The following THSD7B variants were observed in gnomAD, a reference collection of about 807,000 sequenced individuals.
THSD7B encodes the protein thrombospondin type-1 domain-containing protein 7B.
THSD7B carries 138 observed loss-of-function variants against 213.6 expected under a neutral mutation model. That is an observed-to-expected ratio of 0.65 (90% confidence interval 0.56 to 0.74). The LOEUF (loss-of-function observed/expected upper bound fraction) is 0.74. THSD7B is among the 30% of genes least tolerant of loss of function. THSD7B has a pLI of 0.00. For missense variants in THSD7B, 1,931 were observed against 1,991.5 expected, an observed-to-expected ratio of 0.97 and a Z score of 0.58; for synonymous variants, 742 against 687.0, an observed-to-expected ratio of 1.08 and a Z score of -1.25.
intron 1 of THSD7B, among the ~76,000 whole-genome samples, chr2:136,783,366 C>T (rs1681779183): frequency 6.6e-6 from 1 of 152,084 alleles, no homozygotes; most frequent in Non-Finnish European, 1.5e-5. Flanking sequence ...AGCTGGGAAA[C>T]AGAGTACATG....
chr2:137,184,780 A>G (rs1680520056), intron 7 of THSD7B, among the ~76,000 whole-genome samples: 1 of 152,170 alleles, frequency 6.6e-6, no homozygotes, highest in African/African-American at 2.4e-5. Context: ...AGGCAAAAAT[A>G]ATAGAAAGCC....
chr2:137,024,008 G>A (rs1195093205), intron 2 of THSD7B, among the ~76,000 whole-genome samples: 1 of 151,974 alleles, frequency 6.6e-6, no homozygotes, highest in Non-Finnish European at 1.5e-5. Flanking sequence ...CCAAGAACTG[G>A]GTTGGAAGAT....
chr2:137,393,894 C>A (rs1329539293), intron 12 of THSD7B, among the ~76,000 whole-genome samples: 2 of 140,822 alleles, frequency 1.4e-5, no homozygotes, highest in African/African-American at 5.2e-5. Flanking sequence ...TTTTGATTTG[C>A]ATTTCTCTGA....
At chr2:137,097,708 A>G (rs1688064846) in intron 4 of THSD7B, among the ~76,000 whole-genome samples, 1 of 151,906 alleles carries the variant, frequency 6.6e-6, no homozygotes, top group South Asian at 2.1e-4. Flanking sequence ...AGAGGCTGAC[A>G]GACTTCACTG....
At chr2:137,301,371 C>A (rs1386269958) in intron 12 of THSD7B, among the ~76,000 whole-genome samples, 1 of 151,870 alleles carries the variant, frequency 6.6e-6, no homozygotes, top group Non-Finnish European at 1.5e-5. Context: ...ATCATAAACA[C>A]CAGGTCTAGA....
chr2:136,997,594 A>T (rs1685918145), intron 2 of THSD7B, among the ~76,000 whole-genome samples: 1 of 152,208 alleles, frequency 6.6e-6, no homozygotes, highest in Non-Finnish European at 1.5e-5. Context: ...AGAGGATGTG[A>T]TAAAGCCCTT....
In THSD7B at chr2:137,170,760, C is replaced by T; in HGVS notation, c.1545C>T (p.Arg515=). ...QGKKGFRTRQ[R]HVLMESTGPA... Reference sequence around the variant, plus strand: ...TTTTAGGATTTAGAACGAGGCAGCGCCATGTCCTCATGGAATCTACAGGGC... The same window carrying T: ...TTTTAGGATTTAGAACGAGGCAGCGTCATGTCCTCATGGAATCTACAGGGC... The change falls in exon 7 of 28, where the codon CGC becomes CGT. Residue 515 remains arginine (R), a synonymous_variant. Coordinates refer to ENST00000409968, the MANE Select transcript of THSD7B (RefSeq NM_001316349.2). The T allele has an allele frequency of 1.2e-6, 2 of 1,613,500 alleles. No homozygotes were observed. Among genetic ancestry groups the T allele is most frequent in the Non-Finnish European group, 1.7e-6 (2 of 1,179,672 alleles).
intron 5 of THSD7B, among the ~76,000 whole-genome samples, chr2:137,137,247 G>T (rs922243027): frequency 6.6e-6 from 1 of 152,072 alleles, no homozygotes; most frequent in African/African-American, 2.4e-5. Flanking sequence ...CCCCCAGAAG[G>T]TTTCCTTCCG....
intron 21 of THSD7B, among the ~76,000 whole-genome samples, chr2:137,652,630 G>GT (rs972193139): frequency 2.0e-5 from 3 of 151,890 alleles, no homozygotes; most frequent in African/African-American, 7.3e-5. Context: ...TCCTCTTTTA[G>GT]TTTTTTCCCC....
chr2:136,954,262 C>T (rs1310326851), intron 2 of THSD7B, among the ~76,000 whole-genome samples: 2 of 152,064 alleles, frequency 1.3e-5, no homozygotes, highest in Non-Finnish European at 2.9e-5. Flanking sequence ...CGGAAGGCTC[C>T]CTAAGGAGGT....
intron 15 of THSD7B, among the ~76,000 whole-genome samples, chr2:137,548,695 G>T (rs559872735): frequency 6.6e-6 from 1 of 152,034 alleles, no homozygotes; most frequent in South Asian, 2.1e-4. Context: ...CAGTTAGTTT[G>T]CTTGATTGAT....
intron 2 of THSD7B, among the ~76,000 whole-genome samples, chr2:137,054,279 C>T (rs1325818525): frequency 2.0e-5 from 3 of 152,172 alleles, no homozygotes; most frequent in Admixed American, 1.3e-4. Flanking sequence ...CTGACCTGCT[C>T]CAGTGAAACC....
At chr2:137,478,105 G>A (rs1014825888) in intron 15 of THSD7B, among the ~76,000 whole-genome samples, 1 of 152,070 alleles carries the variant, frequency 6.6e-6, no homozygotes, top group African/African-American at 2.4e-5. Flanking sequence ...GCATCTGTAA[G>A]CTTCCTCTAT....
intron 2 of THSD7B, among the ~76,000 whole-genome samples, chr2:136,957,425 G>A (rs1685144791): frequency 1.4e-5 from 2 of 141,364 alleles, no homozygotes; most frequent in South Asian, 4.6e-4. Context: ...CAGTTGCATG[G>A]GCCAATACAA....
At chr2:137,387,802 C>T (rs893452515) in intron 12 of THSD7B, among the ~76,000 whole-genome samples, 3 of 152,144 alleles carry the variant, frequency 2.0e-5, no homozygotes, top group African/African-American at 4.8e-5. Flanking sequence ...AACCATTACA[C>T]GTCCCTTTCA....
At chr2:137,511,471 GTT>G (rs1679960130) in intron 15 of THSD7B, among the ~76,000 whole-genome samples, 1 of 152,190 alleles carries the variant, frequency 6.6e-6, no homozygotes, top group Non-Finnish European at 1.5e-5. Flanking sequence ...GGGTTGTTGT[GTT>G]TTTGTTTTAA....
chr2:136,783,650 C>G (rs573878274), intron 1 of THSD7B, among the ~76,000 whole-genome samples: 8 of 152,276 alleles, frequency 5.3e-5, no homozygotes, highest in Admixed American at 6.5e-5. Context: ...CCTGGCCTCC[C>G]ACCCGCAATC....
At chr2:137,648,605 G>A (rs192784975) in intron 21 of THSD7B, among the ~76,000 whole-genome samples, 92 of 152,142 alleles carry the variant, frequency 6.0e-4, no homozygotes, top group African/African-American at 2.0e-3. Flanking sequence ...ATTATACCAC[G>A]TGTTCTTTAT....
At chr2:136,917,713 G>A (rs1042390598) in intron 2 of THSD7B, among the ~76,000 whole-genome samples, 2 of 152,188 alleles carry the variant, frequency 1.3e-5, no homozygotes, top group African/African-American at 4.8e-5. Context: ...TGTAACCCGA[G>A]CCATAAGTAA....
Sources: allele counts gnomAD v4.1 joint callset (sites outside exome capture counted in the v4.1 genomes callset), GRCh38; gene constraint gnomAD v4.1.1; transcripts MANE v1.5; gene names NCBI Gene and HGNC (gene_info 2026-07-23, HGNC 2026-07-21).